RPGRIP1L: variants seen among roughly 807,000 people sequenced by gnomAD.
The protein encoded by RPGRIP1L is RPGRIP1 like.
In RPGRIP1L, 131 loss-of-function variants were observed where a neutral mutation model predicts 160.4. That is an observed-to-expected ratio of 0.82 (90% CI 0.71 to 0.94). The LOEUF is 0.94. RPGRIP1L is among the 40% of genes least tolerant of loss of function. RPGRIP1L has a pLI of 0.00. For synonymous variants in RPGRIP1L, 510 were observed against 515.8 expected (o/e 0.99, Z 0.15); for missense variants, 1,522 against 1,535.8 (o/e 0.99, Z 0.15).
rs1436816285 is a variant in RPGRIP1L, at chr16:53,615,470, A to AT, written c.3616+3554dup. Among the ~76,000 whole-genome samples the AT allele has an allele frequency of 3.4e-3, 291 of 85,200 alleles. 3 individuals are homozygous for AT. Among genetic ancestry groups the AT allele is most frequent in the East Asian group, 7.0e-3 (18 of 2,580 alleles). The allele number at this position is 85,200 out of a possible 152,430, so 55.9% of individuals were successfully genotyped here. A position where few individuals can be genotyped will look rare whatever the true frequency, so the allele number is the denominator to read the frequency against. On this transcript the variant is annotated intron_variant, in intron 24 of 26. Transcript: ENST00000647211. ...TCTAAGAATATATATATATATATATATATTTTTTTTTTTTTTTTTTTGAGA... is the reference window on the plus strand; with the variant it reads ...TCTAAGAATATATATATATATATATATTATTTTTTTTTTTTTTTTTTTGAGA...
At chr16:53,682,602 T>C (rs754134977) in intron 6 of RPGRIP1L, among the ~76,000 whole-genome samples, 8 of 152,150 alleles carry the variant, frequency 5.3e-5, no homozygotes, top group Non-Finnish European at 1.0e-4. Flanking sequence ...AAAGCAATCC[T>C]TGATAACCTT....
intron 3 of RPGRIP1L, chr16:53,695,446 C>G (rs1308210741): frequency 1.3e-5 from 9 of 702,794 alleles, no homozygotes; most frequent in Middle Eastern, 2.3e-4. Flanking sequence ...GTTGTCTCAC[C>G]TTTTCTTTGA....
rs996082143 is a variant in RPGRIP1L at position 53,656,562 on chromosome 16, T to C, written c.1609A>G (p.Met537Val). 1 of 1,613,750 alleles carries C rather than the reference T, an allele frequency of 6.2e-7. No homozygotes were observed. Among genetic ancestry groups the C allele is most frequent in the East Asian group, 2.2e-5 (1 of 44,858 alleles). Residue 537 changes from methionine to valine, a missense_variant, in exon 14 of 27, where the codon ATG becomes GTG. Met to Val is a conservative substitution (Grantham distance 21). Transcript: ENST00000647211. ...QMEVEAVTRK[M>V]ENLQQDYELK... ...TCATAATCTTGCTGCAAATTTTCCA[T>C]CTTACGGGTCACTGCCTCAACCTCC...
chr16:53,695,901 A>G (rs1449163624), intron 3 of RPGRIP1L: 1 of 421,680 alleles, frequency 2.4e-6, no homozygotes, highest in Non-Finnish European at 4.3e-6. Context: ...ATTTATAGGT[A>G]TGATATACTA....
chr16:53,685,254 G>A (rs1394323595), intron 6 of RPGRIP1L, among the ~76,000 whole-genome samples: 1 of 152,210 alleles, frequency 6.6e-6, no homozygotes, highest in African/African-American at 2.4e-5. Flanking sequence ...TACACTGTTG[G>A]TGGGAGTGTA....
Position 53,664,895 on chromosome 16 carries a change from GA to G in RPGRIP1L, c.1217del (p.Ile406ThrfsTer5). ...CTCTTTCAGTTTTTAATCTGTCAAGGATTTCAGTTTTGTCTGTTAAGTCAGA... is the reference window on the plus strand; with the variant it reads ...CTCTTTCAGTTTTTAATCTGTCAAGGTTTCAGTTTTGTCTGTTAAGTCAGA... ...LKSDLTDKTEILDRLKTERDQ... is the reference protein window; with the variant it reads ...LKSDLTDKTEXLDRLKTERDQ... On this transcript the variant is annotated frameshift_variant, in exon 10 of 27. Coordinates refer to ENST00000647211, the MANE Select transcript of RPGRIP1L (RefSeq NM_015272.5). LOFTEE classifies it high-confidence loss of function. 1 of 1,611,942 alleles carries G rather than the reference GA, an allele frequency of 6.2e-7. No individual in the cohort carries two copies. Among genetic ancestry groups the G allele is most frequent in the Non-Finnish European group, 8.5e-7 (1 of 1,179,882 alleles).
chr16:53,635,277 AAGT>A (rs1965771149), intron 22 of RPGRIP1L, among the ~76,000 whole-genome samples: 1 of 152,164 alleles, frequency 6.6e-6, no homozygotes, highest in Admixed American at 6.5e-5. Flanking sequence ...TTGCAGGTCT[AAGT>A]AGGAGTTTTC....
intron 6 of RPGRIP1L, among the ~76,000 whole-genome samples, chr16:53,677,279 A>T (rs1969256498): frequency 6.6e-6 from 1 of 152,212 alleles, no homozygotes; most frequent in Non-Finnish European, 1.5e-5. Flanking sequence ...AATGTACTTT[A>T]AACAATACCT....
intron 22 of RPGRIP1L, among the ~76,000 whole-genome samples, chr16:53,626,317 G>A (rs1965174571): frequency 6.6e-6 from 1 of 152,126 alleles, no homozygotes; most frequent in Non-Finnish European, 1.5e-5. Context: ...TCATTCCTCT[G>A]CAGGCTACCA....
intron 6 of RPGRIP1L, among the ~76,000 whole-genome samples, chr16:53,678,634 A>G (rs569603130): frequency 5.9e-5 from 9 of 152,310 alleles, no homozygotes; most frequent in Non-Finnish European, 8.8e-5. Flanking sequence ...TTTTGAGATA[A>G]AAATGTCATA....
At chr16:53,665,856 G>A (rs981752686) in intron 9 of RPGRIP1L, among the ~76,000 whole-genome samples, 1 of 152,104 alleles carries the variant, frequency 6.6e-6, no homozygotes, top group Non-Finnish European at 1.5e-5. Flanking sequence ...AGGACACTTA[G>A]GGAGATTTTA....
chr16:53,653,315 T>C, intron 14 of RPGRIP1L: 1 of 1,143,946 alleles, frequency 8.7e-7, no homozygotes, highest in Non-Finnish European at 1.1e-6. Flanking sequence ...TCCCTGTCTC[T>C]GCTCCACCCA....
At chr16:53,657,352 T>C (rs1013297695) in intron 13 of RPGRIP1L, 101 bp downstream of exon 13, 22 of 765,866 alleles carry the variant, frequency 2.9e-5, no homozygotes, top group African/African-American at 7.0e-5. Flanking sequence ...TAGATTACAA[T>C]AGATGTTAAT....
intron 4 of RPGRIP1L, 39 bp downstream of exon 4, chr16:53,692,027 T>G: frequency 6.3e-7 from 1 of 1,585,246 alleles, no homozygotes; most frequent in Non-Finnish European, 8.7e-7. Flanking sequence ...AACAATCTAA[T>G]AAGACTTCAG....
intron 9 of RPGRIP1L, among the ~76,000 whole-genome samples, chr16:53,669,925 G>A (rs752187550): frequency 6.6e-6 from 1 of 152,114 alleles, no homozygotes; most frequent in Non-Finnish European, 1.5e-5. Context: ...CAGCAATGCT[G>A]TGTGACTCTG....
chr16:53,685,076 A>C (rs1232472704), intron 6 of RPGRIP1L, among the ~76,000 whole-genome samples: 1 of 152,320 alleles, frequency 6.6e-6, no homozygotes, highest in Admixed American at 6.5e-5. Context: ...GACACTTCTC[A>C]AAAGAAGACA....
chr16:53,683,753 A>G (rs1440027598), intron 6 of RPGRIP1L, among the ~76,000 whole-genome samples: 1 of 152,092 alleles, frequency 6.6e-6, no homozygotes, highest in African/African-American at 2.4e-5. Context: ...GAATATTTAA[A>G]AAGATAAAGT....
At position 53,649,047 on chromosome 16, in the gene RPGRIP1L, G is replaced by A; in HGVS notation, c.2221C>T (p.Gln741Ter). The A allele has an allele frequency of 6.2e-7, 1 of 1,613,770 alleles. No homozygotes were observed. Among genetic ancestry groups the A allele is most frequent in the South Asian group, 1.1e-5 (1 of 91,060 alleles). Residue 741 changes from glutamine (Q) to a stop codon, truncating the protein, a stop_gained, in exon 16 of 27, where the codon CAA becomes TAA. Coordinates refer to ENST00000647211, the MANE Select transcript of RPGRIP1L (RefSeq NM_015272.5). LOFTEE classifies it high-confidence loss of function. ...YWFRLRVPMD[Q>*]AIRLYRERAK... ...CTTTCTCGATAAAGTCGAATTGCTT[G>A]ATCCATGGGAACTCTTAATCGGAAC...
intron 6 of RPGRIP1L, among the ~76,000 whole-genome samples, chr16:53,676,400 A>G (rs1969173708): frequency 6.7e-6 from 1 of 148,230 alleles, no homozygotes. Context: ...ACATATATAT[A>G]TAATATAAAG....
Sources: gnomAD v4.1 joint callset for allele counts (sites outside exome capture counted in the v4.1 genomes callset) on GRCh38, gnomAD v4.1.1 for gene constraint, MANE v1.5 for transcripts, NCBI Gene and HGNC (gene_info 2026-07-23, HGNC 2026-07-21) for gene names.